The following PSTPIP1 variants were observed in gnomAD, a reference collection of about 807,000 sequenced individuals.
The protein encoded by PSTPIP1 is proline-serine-threonine phosphatase-interacting protein 1.
Under a neutral mutation model 69.6 loss-of-function variants are expected in PSTPIP1, and 66 were observed. The ratio of observed to expected loss-of-function variants is 0.95; its 90% CI spans 0.78 to 1.16. The LOEUF is 1.16. PSTPIP1 is among the 50% of genes most tolerant of loss of function. PSTPIP1 has a pLI of 0.00. For missense variants in PSTPIP1, 603 were observed against 557.4 expected, an observed-to-expected ratio of 1.08 and a Z score of -0.82; for synonymous variants, 266 against 222.7, an observed-to-expected ratio of 1.19 and a Z score of -1.73.
chr15:77,037,071 GGGA>G lies in PSTPIP1; in HGVS notation c.1148_1150del (p.Gly383del). 1 of 1,612,254 alleles carries G rather than the reference GGGA, an allele frequency of 6.2e-7. No homozygotes were observed. Among genetic ancestry groups the G allele is most frequent in the Non-Finnish European group, 8.5e-7 (1 of 1,179,640 alleles). On this transcript the variant is annotated inframe_deletion, in exon 15 of 15. Coordinates refer to ENST00000558012, the MANE Select transcript of PSTPIP1 (RefSeq NM_003978.5). ...ACCCAGATGAGCTGGACCTGTCCGC[GGGA>G]GACATCCTGGAGGTGATCCTGGAAG...
chr15:77,025,640 C>G, intron 5 of PSTPIP1, 36 bp downstream of exon 5: 1 of 1,502,482 alleles, frequency 6.7e-7, no homozygotes, highest in Non-Finnish European at 9.0e-7. Flanking sequence ...AGCTGCTCCC[C>G]CATTGCCAGC....
rs1393871775 is a variant in PSTPIP1 at position 77,035,923 on chromosome 15, T to C, written c.1107T>C (p.Asp369=). 5.6e-6 allele frequency: 9 copies of C among 1,604,790 alleles called. No individual in the cohort carries two copies. Among genetic ancestry groups the C allele is most frequent in the East Asian group, 2.2e-5 (1 of 44,642 alleles). ...CCCAGGAGTACCGGGCGCTCTACGATTATACAGCGCAGGTGAGGCCTCTAT... is the reference window on the plus strand; with the variant it reads ...CCCAGGAGTACCGGGCGCTCTACGACTATACAGCGCAGGTGAGGCCTCTAT... ...SPAQEYRALY[D]YTAQNPDELD... Residue 369 remains aspartate (D), a synonymous_variant, in exon 14 of 15, where the codon GAT becomes GAC. Coordinates refer to ENST00000558012, the MANE Select transcript of PSTPIP1 (RefSeq NM_003978.5).
chr15:77,017,835 G>A (rs1325622899), intron 1 of PSTPIP1, among the ~76,000 whole-genome samples: 1 of 152,240 alleles, frequency 6.6e-6, no homozygotes, highest in Non-Finnish European at 1.5e-5. Context: ...GGGGACTTAA[G>A]GGTGGCTCTT....
At position 77,018,176 on chromosome 15, in the gene PSTPIP1, A is replaced by G; in HGVS notation, c.65A>G (p.Tyr22Cys). Residue 22 changes from tyrosine (Y) to cysteine (C), a missense_variant, in exon 2 of 15, where the codon TAC becomes TGC. Tyr to Cys is a radical substitution (Grantham distance 194). Coordinates refer to ENST00000558012, the MANE Select transcript of PSTPIP1 (RefSeq NM_003978.5). ...AGGGACTTCACAGCCCACACGGGCTACGAGGTGCTGCTGCAGCGGCTTCTG... is the reference window on the plus strand; with the variant it reads ...AGGGACTTCACAGCCCACACGGGCTGCGAGGTGCTGCTGCAGCGGCTTCTG... ...WCRDFTAHTG[Y>C]EVLLQRLLDG... 6.3e-7 allele frequency: 1 copy of G among 1,589,102 alleles called. No individual in the cohort carries two copies. The highest frequency in any genetic ancestry group is 8.6e-7 in the Non-Finnish European group (1 of 1,168,518).
intron 1 of PSTPIP1, among the ~76,000 whole-genome samples, chr15:77,013,115 G>A (rs577552921): frequency 1.3e-5 from 2 of 152,354 alleles, no homozygotes; most frequent in South Asian, 4.1e-4. Context: ...CACTGCTGGT[G>A]TGAGGGAGGA....
intron 1 of PSTPIP1, among the ~76,000 whole-genome samples, chr15:77,008,610 A>T (rs2075868449): frequency 6.6e-6 from 1 of 152,052 alleles, no homozygotes. Flanking sequence ...GGGTTTCATC[A>T]TGTTGACCAG....
intron 1 of PSTPIP1, among the ~76,000 whole-genome samples, chr15:77,007,380 G>A (rs1219783679): frequency 6.6e-6 from 1 of 152,166 alleles, no homozygotes; most frequent in East Asian, 1.9e-4. Context: ...AGCTGAGGCA[G>A]GTGGATTGCT....
At chr15:77,035,663 A>G (rs531755708) in intron 13 of PSTPIP1, 100 bp downstream of exon 13, 12 of 1,478,382 alleles carry the variant, frequency 8.1e-6, no homozygotes, top group South Asian at 7.3e-5. Context: ...CCTCAAGAGG[A>G]AGTGTGTGTC....
chr15:77,011,358 G>T (rs1181311609), intron 1 of PSTPIP1, among the ~76,000 whole-genome samples: 1 of 152,226 alleles, frequency 6.6e-6, no homozygotes, highest in African/African-American at 2.4e-5. Flanking sequence ...CCACGGGCCT[G>T]TGGGCCTCCC....
chr15:77,014,119 A>C (rs930187303), intron 1 of PSTPIP1, among the ~76,000 whole-genome samples: 2 of 152,146 alleles, frequency 1.3e-5, no homozygotes, highest in Non-Finnish European at 2.9e-5. Flanking sequence ...GTTAACAGCC[A>C]AGATCGTGGC....
chr15:77,007,885 C>T (rs768925525), intron 1 of PSTPIP1: 26 of 455,996 alleles, frequency 5.7e-5, no homozygotes, highest in Non-Finnish European at 8.8e-5. Context: ...TGAGCCACCG[C>T]GCCCGACTGG....
At chr15:76,994,816 G>C, upstream of PSTPIP1, 1 of 1,289,100 alleles carries the variant, frequency 7.8e-7, no homozygotes. Context: ...CTAGACCTGG[G>C]TAAGCCCCTC....
chr15:76,997,431 C>T (rs993533046), intron 1 of PSTPIP1, among the ~76,000 whole-genome samples: 5 of 150,926 alleles, frequency 3.3e-5, no homozygotes, highest in Non-Finnish European at 7.3e-5. Context: ...TCAGCCCATC[C>T]CAGTGCATAA....
At chr15:77,003,909 T>C (rs2075765519) in intron 1 of PSTPIP1, among the ~76,000 whole-genome samples, 1 of 152,150 alleles carries the variant, frequency 6.6e-6, no homozygotes, top group Admixed American at 6.5e-5. Context: ...GGGACCCAGA[T>C]TTATAATTGG....
At chr15:77,006,268 T>C (rs2075814620) in intron 1 of PSTPIP1, among the ~76,000 whole-genome samples, 1 of 152,238 alleles carries the variant, frequency 6.6e-6, no homozygotes, top group African/African-American at 2.4e-5. Context: ...GTGTACCTTC[T>C]TTGGAGAAAG....
At chr15:77,007,507 G>A (rs954307769) in intron 1 of PSTPIP1, among the ~76,000 whole-genome samples, 3 of 152,096 alleles carry the variant, frequency 2.0e-5, no homozygotes, top group Non-Finnish European at 4.4e-5. Context: ...TACCTGGGGG[G>A]CTGAGGTGGG....
At chr15:77,025,133 C>T in intron 3 of PSTPIP1, 151 bp from the exon 4 acceptor site, 3 of 817,874 alleles carry the variant, frequency 3.7e-6, no homozygotes, top group Non-Finnish European at 5.9e-6. Flanking sequence ...TGGTCACCAT[C>T]TGGCTAAAGG....
Position 77,025,164 on chromosome 15 carries a change from C to A in PSTPIP1, c.213-120C>A, listed in dbSNP as rs922895779. On this transcript the variant is annotated intron_variant, in intron 3 of 14. Transcript: ENST00000558012. ...AAAGGGTCCCTTGGTTCTAGAGTGACCCAGGGTCTTCCCACCAAAATAAAA... is the reference window on the plus strand; with the variant it reads ...AAAGGGTCCCTTGGTTCTAGAGTGAACCAGGGTCTTCCCACCAAAATAAAA... 6.1e-6 allele frequency: 7 copies of A among 1,156,804 alleles called. No individual in the cohort carries two copies. In the East Asian group the frequency reaches 1.6e-4, roughly 27 times the overall value. The allele number at this position is 1,156,804 out of a possible 1,614,324, so 71.7% of individuals were successfully genotyped here. A position where few individuals can be genotyped will look rare whatever the true frequency, so the allele number is the denominator to read the frequency against.
At position 77,037,344 on chromosome 15, in the gene PSTPIP1, G is replaced by A. The variant is rs1271350693; in HGVS notation, c.*168G>A. 5 of 884,806 alleles carry A rather than the reference G, an allele frequency of 5.7e-6. No homozygotes were observed. In the East Asian group the frequency reaches 8.9e-5, roughly 16 times the overall value. 54.8% of individuals were successfully genotyped at this position (884,806 alleles called of 1,614,324 possible). The stretch of plus-strand genomic sequence containing the variant: ...TGCGTTCTGTTCTCCTTGGTGTGCT[G>A]GGGTCCCGTTCTCTTTTTCTCCTGC... On this transcript the variant is annotated 3_prime_UTR_variant, in exon 15 of 15. Coordinates refer to ENST00000558012, the MANE Select transcript of PSTPIP1 (RefSeq NM_003978.5).
Sources: gnomAD v4.1 joint callset for allele counts (sites outside exome capture counted in the v4.1 genomes callset) on GRCh38, gnomAD v4.1.1 for gene constraint, MANE v1.5 for transcripts, NCBI Gene and HGNC (gene_info 2026-07-23, HGNC 2026-07-21) for gene names.